Variants in NBEA observed in about 807,000 individuals in gnomAD.
NBEA encodes the protein lysosomal-trafficking regulator 2.
NBEA carries 44 observed loss-of-function variants against 343.4 expected under a neutral mutation model. The observed-to-expected ratio is 0.13, with a 90% CI of 0.10 to 0.16. NBEA has a LOEUF of 0.16. Among genes scored for constraint, NBEA ranks in the 10% least tolerant of loss-of-function variants. The pLI is 1.00. For synonymous variants in NBEA, 1,175 were observed against 1,238.7 expected (o/e 0.95, Z 1.08); for missense variants, 2,555 against 3,631.3 (o/e 0.70, Z 7.62).
intron 5 of NBEA, among the ~76,000 whole-genome samples, 163 bp downstream of exon 5, chr13:35,048,847 A>G (rs2062959032): frequency 6.6e-6 from 1 of 151,928 alleles, no homozygotes; most frequent in South Asian, 2.1e-4. Context: ...GTATGTATAT[A>G]TGCATTTATT....
chr13:35,214,711 A>G lies in NBEA; in HGVS notation c.5648+3532A>G, dbSNP rs559320739. ...TAATTTGACAGAGTTCATTGTCTCA[A>G]ATAGTTTCGTCTTTTATGATTTGTG... On this transcript the variant is annotated intron_variant, in intron 33 of 58. Transcript: ENST00000379939. 2.8e-4 allele frequency among the ~76,000 whole-genome samples: 42 copies of G among 151,898 alleles called. No individual in the cohort carries two copies. The South Asian group carries it at 6.0e-3, about 22-fold the overall frequency.
chr13:35,472,817 T>C (rs1277983854), intron 41 of NBEA, among the ~76,000 whole-genome samples: 1 of 152,224 alleles, frequency 6.6e-6, no homozygotes, highest in Non-Finnish European at 1.5e-5. Context: ...TGCTTCCAAG[T>C]CCCTGGGGCC....
At chr13:35,263,074 G>A (rs1224653280) in intron 34 of NBEA, among the ~76,000 whole-genome samples, 1 of 152,070 alleles carries the variant, frequency 6.6e-6, no homozygotes, top group Admixed American at 6.6e-5. Context: ...TTCAAAACTT[G>A]CAACAAAGGT....
chr13:35,360,487 A>C (rs2040748417), intron 38 of NBEA, among the ~76,000 whole-genome samples: 1 of 152,084 alleles, frequency 6.6e-6, no homozygotes, highest in Non-Finnish European at 1.5e-5. Context: ...CTCAATATAC[A>C]AAGGAAAATC....
At chr13:35,588,810 A>G (rs2081399532) in intron 46 of NBEA, among the ~76,000 whole-genome samples, 1 of 152,156 alleles carries the variant, frequency 6.6e-6, no homozygotes, top group Non-Finnish European at 1.5e-5. Context: ...CTGACCACTC[A>G]GTAACTCGTT....
At chr13:35,015,137 AAAC>A (rs1259586043) in intron 1 of NBEA, among the ~76,000 whole-genome samples, 1 of 132,390 alleles carries the variant, frequency 7.6e-6, no homozygotes, top group African/African-American at 3.1e-5. Context: ...GAAAAAAAAA[AAAC>A]AAACAAAAAA....
At chr13:35,251,363 G>A in intron 34 of NBEA, 3 of 1,028,482 alleles carry the variant, frequency 2.9e-6, no homozygotes, top group Non-Finnish European at 3.5e-6. Context: ...GCCTTGGAGA[G>A]GACTCCAATG....
intron 1 of NBEA, among the ~76,000 whole-genome samples, chr13:35,010,206 G>T (rs186501582): frequency 1.3e-5 from 2 of 152,230 alleles, no homozygotes; most frequent in Admixed American, 1.3e-4. Context: ...AGGTCATTTA[G>T]GGGTGAATGT....
intron 44 of NBEA, among the ~76,000 whole-genome samples, chr13:35,560,722 TA>T (rs964077329): frequency 1.4e-4 from 21 of 152,166 alleles, no homozygotes; most frequent in Non-Finnish European, 8.8e-5. Context: ...AGGTCTTCAT[TA>T]CCTCCACTCT....
chr13:35,118,275 A>G lies in NBEA; in HGVS notation c.2130A>G (p.Leu710=). Residue 710 remains leucine (L), a synonymous_variant, in exon 15 of 59, where the codon CTA becomes CTG. Coordinates refer to ENST00000379939, the MANE Select transcript of NBEA (RefSeq NM_001385012.1). ...EDELQSILNY[L]LTMHEDENIH... ...AACTTCAGAGTATATTAAATTACCT[A>G]CTTACGATGCATGAGGTAGGACATG... The G allele has an allele frequency of 6.4e-7, 1 of 1,564,176 alleles. No individual in the cohort carries two copies. The highest frequency in any genetic ancestry group is 1.9e-5 in the Admixed American group (1 of 53,942).
At chr13:35,174,455 G>C (rs1460367244) in intron 27 of NBEA, among the ~76,000 whole-genome samples, 1 of 152,008 alleles carries the variant, frequency 6.6e-6, no homozygotes, top group Non-Finnish European at 1.5e-5. Context: ...GTAACTTTTT[G>C]CTCAATAAGT....
intron 34 of NBEA, among the ~76,000 whole-genome samples, chr13:35,252,785 G>T (rs945144375): frequency 9.2e-5 from 14 of 152,330 alleles, no homozygotes; most frequent in African/African-American, 3.1e-4. Flanking sequence ...ACCAGCCAAA[G>T]CAGGTGTTTG....
intron 34 of NBEA, among the ~76,000 whole-genome samples, chr13:35,244,941 A>G (rs920355599): frequency 7.2e-5 from 11 of 152,142 alleles, no homozygotes; most frequent in Non-Finnish European, 7.4e-5. Context: ...TGATTCGTCT[A>G]CATTAACTTT....
intron 23 of NBEA, among the ~76,000 whole-genome samples, chr13:35,163,443 C>T (rs2069727606): frequency 6.6e-6 from 1 of 151,790 alleles, no homozygotes. Flanking sequence ...AGCTGGAGCT[C>T]AGGAGTTCGA....
At chr13:35,581,331 G>A (rs1053394533) in intron 45 of NBEA, among the ~76,000 whole-genome samples, 1 of 151,958 alleles carries the variant, frequency 6.6e-6, no homozygotes, top group Non-Finnish European at 1.5e-5. Context: ...GTGTGAGATG[G>A]TATCTCATTG....
At chr13:35,355,538 C>T (rs987347869) in intron 38 of NBEA, among the ~76,000 whole-genome samples, 4 of 152,148 alleles carry the variant, frequency 2.6e-5, no homozygotes, top group African/African-American at 9.7e-5. Context: ...CAGAACCTTT[C>T]CGTCATTGCA....
intron 38 of NBEA, among the ~76,000 whole-genome samples, chr13:35,376,485 C>A (rs2041750569): frequency 6.6e-6 from 1 of 152,142 alleles, no homozygotes; most frequent in Admixed American, 6.6e-5. Flanking sequence ...TTCATAAAAT[C>A]TAGTGTTCAG....
At chr13:35,653,432 C>T (rs1229154967) in intron 53 of NBEA, among the ~76,000 whole-genome samples, 1 of 149,310 alleles carries the variant, frequency 6.7e-6, no homozygotes, top group Non-Finnish European at 1.5e-5. Flanking sequence ...CCAGGTTAAA[C>T]CAATTCCCCC....
intron 44 of NBEA, among the ~76,000 whole-genome samples, chr13:35,557,597 A>G (rs2079636858): frequency 6.6e-6 from 1 of 152,116 alleles, no homozygotes; most frequent in African/African-American, 2.4e-5. Context: ...TTTTTTCAAA[A>G]ATTACTGGGT....
Sources: allele counts gnomAD v4.1 joint callset (sites outside exome capture counted in the v4.1 genomes callset), GRCh38; gene constraint gnomAD v4.1.1; transcripts MANE v1.5; gene names NCBI Gene and HGNC (gene_info 2026-07-23, HGNC 2026-07-21).